RBMS3: variants seen among roughly 807,000 people sequenced by gnomAD.
RBMS3 encodes the protein RNA binding motif single stranded interacting protein 3.
Under a neutral mutation model 66.8 loss-of-function variants are expected in RBMS3, and 27 were observed. That is an observed-to-expected ratio of 0.40 (90% CI 0.30 to 0.56). The LOEUF (loss-of-function observed/expected upper bound fraction) is 0.56. Ranked by LOEUF, RBMS3 falls within the 20% of genes least tolerant of loss-of-function variation. The pLI is 0.40. For missense variants in RBMS3, 513 were observed against 549.5 expected, an observed-to-expected ratio of 0.93 and a Z score of 0.66; for synonymous variants, 188 against 183.0, an observed-to-expected ratio of 1.03 and a Z score of -0.22.
intron 4 of RBMS3, among the ~76,000 whole-genome samples, chr3:29,601,913 T>A (rs2048158449): frequency 6.6e-6 from 1 of 152,022 alleles, no homozygotes; most frequent in African/African-American, 2.4e-5. Flanking sequence ...TGAGTAGAGT[T>A]AAGAGGGACC....
intron 4 of RBMS3, among the ~76,000 whole-genome samples, chr3:29,634,978 A>C (rs527974402): frequency 1.3e-4 from 20 of 152,026 alleles, no homozygotes; most frequent in African/African-American, 4.8e-4. Context: ...AGTACTCTAA[A>C]TAGAAGCATT....
chr3:29,659,464 A>G (rs1270478388), intron 4 of RBMS3, among the ~76,000 whole-genome samples: 1 of 152,222 alleles, frequency 6.6e-6, no homozygotes, highest in Non-Finnish European at 1.5e-5. Flanking sequence ...CATACATTAT[A>G]TAAATGGAAT....
At chr3:29,664,677 A>AT (rs2050684903) in intron 4 of RBMS3, among the ~76,000 whole-genome samples, 1 of 150,986 alleles carries the variant, frequency 6.6e-6, no homozygotes, top group African/African-American at 2.4e-5. Flanking sequence ...GGCTCAGATG[A>AT]TTAAAAAAAA....
At chr3:29,296,483 C>T (rs2033270995) in intron 1 of RBMS3, among the ~76,000 whole-genome samples, 1 of 151,768 alleles carries the variant, frequency 6.6e-6, no homozygotes, top group Non-Finnish European at 1.5e-5. Flanking sequence ...AAAAGTGACT[C>T]TGTAAATCTA....
intron 1 of RBMS3, among the ~76,000 whole-genome samples, chr3:29,359,053 A>G (rs947433920): frequency 1.3e-5 from 2 of 152,018 alleles, no homozygotes; most frequent in African/African-American, 4.8e-5. Flanking sequence ...TCTCCTGCCT[A>G]ATTGCCCTGG....
At position 29,578,150 on chromosome 3, in the gene RBMS3, A is replaced by G. The variant is rs147526396; in HGVS notation, c.308-8964A>G. 3.7e-3 allele frequency among the ~76,000 whole-genome samples: 568 copies of G among 152,342 alleles called. 13 individuals carry two copies. Among genetic ancestry groups the G allele is most frequent in the Admixed American group, 0.028 (424 of 15,300 alleles). ...CTATAAACCTCTGGGTGTCCCTAATACATAGAATAGTGAGAGCTCGAGAGT... is the reference window on the plus strand; with the variant it reads ...CTATAAACCTCTGGGTGTCCCTAATGCATAGAATAGTGAGAGCTCGAGAGT... On this transcript the variant is annotated intron_variant, in intron 3 of 14. Transcript: ENST00000383767.
chr3:29,421,117 G>GA (rs142393315), intron 1 of RBMS3, among the ~76,000 whole-genome samples: 85 of 137,406 alleles, frequency 6.2e-4, no homozygotes, highest in South Asian at 1.8e-3. Flanking sequence ...TGTCCCTAAA[G>GA]AAAAAAAAAA....
chr3:29,833,534 G>T (rs1446111726), intron 6 of RBMS3, among the ~76,000 whole-genome samples: 2 of 152,026 alleles, frequency 1.3e-5, no homozygotes, highest in Admixed American at 1.3e-4. Flanking sequence ...AAGAATGCAT[G>T]AATAAAATGA....
intron 5 of RBMS3, among the ~76,000 whole-genome samples, chr3:29,753,909 A>T (rs1295407351): frequency 6.6e-6 from 1 of 152,160 alleles, no homozygotes; most frequent in African/African-American, 2.4e-5. Flanking sequence ...TTTCAGAGAG[A>T]AACTATTTTT....
intron 10 of RBMS3, among the ~76,000 whole-genome samples, chr3:29,932,380 C>CT (rs1473982952): frequency 6.6e-6 from 1 of 152,146 alleles, no homozygotes; most frequent in African/African-American, 2.4e-5. Flanking sequence ...GTAACACTGG[C>CT]TTTATACGAT....
intron 3 of RBMS3, among the ~76,000 whole-genome samples, chr3:29,522,855 T>G (rs1297403727): frequency 1.3e-5 from 2 of 152,168 alleles, no homozygotes; most frequent in Non-Finnish European, 2.9e-5. Context: ...CCAGCACACA[T>G]GAGGTGCTGT....
At chr3:29,916,061 A>T (rs79130407) in intron 10 of RBMS3, among the ~76,000 whole-genome samples, 1 of 152,040 alleles carries the variant, frequency 6.6e-6, no homozygotes, top group Non-Finnish European at 1.5e-5. Context: ...TCTATTACAC[A>T]TGGTCAGGCA....
At position 29,846,183 on chromosome 3, in the gene RBMS3, G is replaced by T. The variant is rs144452266; in HGVS notation, c.638-22675G>T. ...TCATTCTGACTATGTATGGAAGAAT[G>T]ATCTTTATAAAGAATGGTTCCTTTA... On this transcript the variant is annotated intron_variant, in intron 6 of 14. Coordinates refer to ENST00000383767, the MANE Select transcript of RBMS3 (RefSeq NM_001003793.3). 2.8e-3 allele frequency among the ~76,000 whole-genome samples: 429 copies of T among 152,140 alleles called. 2 individuals carry two copies. Among genetic ancestry groups the T allele is most frequent in the African/African-American group, 9.9e-3 (411 of 41,502 alleles).
At chr3:29,639,470 G>C (rs1328623817) in intron 4 of RBMS3, among the ~76,000 whole-genome samples, 3 of 151,738 alleles carry the variant, frequency 2.0e-5, no homozygotes, top group Non-Finnish European at 4.4e-5. Flanking sequence ...CTGTAAGGTT[G>C]AATTTACTTG....
chr3:29,349,283 C>T (rs1367602333), intron 1 of RBMS3, among the ~76,000 whole-genome samples: 1 of 152,200 alleles, frequency 6.6e-6, no homozygotes, highest in East Asian at 1.9e-4. Flanking sequence ...AAGCTACAGT[C>T]GTACTCTCTC....
At chr3:29,905,637 T>C (rs1334967707) in intron 10 of RBMS3, among the ~76,000 whole-genome samples, 1 of 152,108 alleles carries the variant, frequency 6.6e-6, no homozygotes, top group Admixed American at 6.6e-5. Flanking sequence ...TTGACTACTA[T>C]AACTGACAAT....
At chr3:29,887,130 T>C (rs2059890791) in intron 8 of RBMS3, among the ~76,000 whole-genome samples, 1 of 151,846 alleles carries the variant, frequency 6.6e-6, no homozygotes. Context: ...TTAAAACTTC[T>C]CTAAACAAGC....
chr3:29,693,869 C>T (rs2052149684), intron 4 of RBMS3, among the ~76,000 whole-genome samples: 4 of 152,278 alleles, frequency 2.6e-5, no homozygotes, highest in Non-Finnish European at 1.5e-5. Flanking sequence ...GTTGGAAATA[C>T]TACTCTTGTT....
intron 3 of RBMS3, among the ~76,000 whole-genome samples, chr3:29,539,708 A>G (rs1041204354): frequency 1.3e-5 from 2 of 152,158 alleles, no homozygotes; most frequent in Admixed American, 1.3e-4. Context: ...CAAAAGGTGA[A>G]ATGTTATTCT....
Sources: gnomAD v4.1 joint callset for allele counts (sites outside exome capture counted in the v4.1 genomes callset) on GRCh38, gnomAD v4.1.1 for gene constraint, MANE v1.5 for transcripts, NCBI Gene and HGNC (gene_info 2026-07-23, HGNC 2026-07-21) for gene names.